Variants in CFDP1 observed in about 807,000 individuals in gnomAD.
CFDP1 encodes the protein heterochromatin-stabilizing protein CFDP1.
Under a neutral mutation model 40.1 loss-of-function variants are expected in CFDP1, and 31 were observed. The ratio of observed to expected loss-of-function variants is 0.77; its 90% CI spans 0.58 to 1.04. The LOEUF (loss-of-function observed/expected upper bound fraction) is 1.04. Ranked by LOEUF, CFDP1 falls within the 50% of genes least tolerant of loss-of-function variation. The probability of loss-of-function intolerance (pLI) is 0.00; values close to 1 mark genes in which losing one functional copy is unlikely to be tolerated. For missense variants in CFDP1, 423 were observed against 343.4 expected, an observed-to-expected ratio of 1.23 and a Z score of -1.83; for synonymous variants, 167 against 120.0, an observed-to-expected ratio of 1.39 and a Z score of -2.56.
intron 5 of CFDP1, among the ~76,000 whole-genome samples, chr16:75,386,242 C>T (rs1368092897): frequency 6.6e-6 from 1 of 152,144 alleles, no homozygotes; most frequent in African/African-American, 2.4e-5. Flanking sequence ...AGGAAAAAGG[C>T]TGCTATGTGT....
At chr16:75,420,978 G>C (rs1040971855) in intron 1 of CFDP1, among the ~76,000 whole-genome samples, 1 of 152,162 alleles carries the variant, frequency 6.6e-6, no homozygotes, top group Non-Finnish European at 1.5e-5. Flanking sequence ...GTTCAGACAA[G>C]TAGATGCACA....
At chr16:75,347,530 T>C (rs1054967480) in intron 5 of CFDP1, among the ~76,000 whole-genome samples, 1 of 150,748 alleles carries the variant, frequency 6.6e-6, no homozygotes, top group Non-Finnish European at 1.5e-5. Flanking sequence ...ATACAAAAAA[T>C]TAGCTGAGTG....
chr16:75,318,280 G>A (rs763838573), intron 5 of CFDP1, among the ~76,000 whole-genome samples: 1 of 152,170 alleles, frequency 6.6e-6, no homozygotes, highest in Non-Finnish European at 1.5e-5. Flanking sequence ...GGGACAACAT[G>A]GCCAGGCAAA....
chr16:75,335,136 A>G (rs751116925), intron 5 of CFDP1, among the ~76,000 whole-genome samples: 44 of 152,014 alleles, frequency 2.9e-4, no homozygotes, highest in Admixed American at 1.2e-3. Flanking sequence ...TGATCATTCT[A>G]TTTCAGGCTG....
chr16:75,358,224 T>C (rs1372983904), intron 5 of CFDP1, among the ~76,000 whole-genome samples: 1 of 152,198 alleles, frequency 6.6e-6, no homozygotes, highest in Non-Finnish European at 1.5e-5. Context: ...CAAGCTGCTG[T>C]TAAAATGGCA....
intron 1 of CFDP1, among the ~76,000 whole-genome samples, chr16:75,426,112 AGGCCGAGGTG>A (rs1373468774): frequency 7.0e-6 from 1 of 143,174 alleles, no homozygotes; most frequent in Non-Finnish European, 1.5e-5. Flanking sequence ...ACACTTTGGG[AGGCCGAGGTG>A]GGCGGATCAC....
At chr16:75,433,134 G>A (rs2079444891) in intron 1 of CFDP1, among the ~76,000 whole-genome samples, 155 bp downstream of exon 1, 1 of 152,168 alleles carries the variant, frequency 6.6e-6, no homozygotes, top group Admixed American at 6.5e-5. Flanking sequence ...GGCCGGAGCG[G>A]CCGAGGATGA....
chr16:75,305,447 G>T, intron 5 of CFDP1: 1 of 376,066 alleles, frequency 2.7e-6, no homozygotes, highest in South Asian at 4.4e-5. Context: ...TGTGGGCTCT[G>T]TGTGGCAGGT....
intron 5 of CFDP1, among the ~76,000 whole-genome samples, chr16:75,342,758 TG>T (rs1215615386): frequency 6.6e-6 from 1 of 152,218 alleles, no homozygotes; most frequent in African/African-American, 2.4e-5. Flanking sequence ...CACAGGGCAG[TG>T]ATTCTCAACC....
chr16:75,401,428 CAAAAAA>C (rs35178768), intron 4 of CFDP1, among the ~76,000 whole-genome samples: 3 of 92,464 alleles, frequency 3.2e-5, no homozygotes, highest in South Asian at 7.9e-4. Context: ...GACTCCGTCT[CAAAAAA>C]AAAAAAAAAA....
intron 4 of CFDP1, among the ~76,000 whole-genome samples, chr16:75,397,921 T>C (rs747169212): frequency 3.2e-4 from 48 of 152,262 alleles, no homozygotes; most frequent in Admixed American, 1.6e-3. Context: ...TATTAGCTGA[T>C]CTGAGAGGAA....
chr16:75,366,938 T>A (rs112685036), intron 5 of CFDP1, among the ~76,000 whole-genome samples: 1 of 151,930 alleles, frequency 6.6e-6, no homozygotes, highest in African/African-American at 2.4e-5. Context: ...CCAAGGTGGG[T>A]GGATCACGTG....
At chr16:75,294,082 G>C (rs373309499) in intron 6 of CFDP1, 40 bp from the exon 7 acceptor site, 163 of 1,497,386 alleles carry the variant, frequency 1.1e-4, no homozygotes, top group Non-Finnish European at 1.4e-4. Flanking sequence ...GAATCCAGTA[G>C]GAAAAACTCC....
At chr16:75,415,473 C>A (rs776628936) in intron 1 of CFDP1, among the ~76,000 whole-genome samples, 7 of 152,220 alleles carry the variant, frequency 4.6e-5, no homozygotes, top group Non-Finnish European at 7.3e-5. Flanking sequence ...GCTCGAGGAA[C>A]TGAACATTAG....
intron 5 of CFDP1, among the ~76,000 whole-genome samples, chr16:75,383,652 C>T (rs906413661): frequency 6.6e-6 from 1 of 151,962 alleles, no homozygotes; most frequent in Non-Finnish European, 1.5e-5. Context: ...AACCCTGCCT[C>T]TACTAAAAAT....
At chr16:75,318,893 G>C (rs2078344155) in intron 5 of CFDP1, among the ~76,000 whole-genome samples, 1 of 152,152 alleles carries the variant, frequency 6.6e-6, no homozygotes, top group Non-Finnish European at 1.5e-5. Context: ...AGTCAAATCA[G>C]AAATAATTCC....
intron 5 of CFDP1, among the ~76,000 whole-genome samples, chr16:75,362,105 G>A (rs1040917935): frequency 6.6e-6 from 1 of 151,942 alleles, no homozygotes; most frequent in African/African-American, 2.4e-5. Context: ...TAGACTGCAT[G>A]ATCTACACAA....
At chr16:75,320,854 C>A (rs532258230) in intron 5 of CFDP1, among the ~76,000 whole-genome samples, 1 of 152,170 alleles carries the variant, frequency 6.6e-6, no homozygotes, top group African/African-American at 2.4e-5. Flanking sequence ...CTGAGTCACA[C>A]CAAGGAATAG....
chr16:75,429,096 AAGAG>A (rs1203244831), intron 1 of CFDP1, among the ~76,000 whole-genome samples: 1 of 152,038 alleles, frequency 6.6e-6, no homozygotes, highest in Non-Finnish European at 1.5e-5. Flanking sequence ...TAGCCTGGAC[AAGAG>A]AGACAGAGTC....
Sources: gnomAD v4.1 joint callset for allele counts (sites outside exome capture counted in the v4.1 genomes callset) on GRCh38, gnomAD v4.1.1 for gene constraint, MANE v1.5 for transcripts, NCBI Gene and HGNC (gene_info 2026-07-23, HGNC 2026-07-21) for gene names.